The following KHDRBS3 variants were observed in gnomAD, a reference collection of about 807,000 sequenced individuals.
KHDRBS3 encodes the protein KH RNA binding domain containing, signal transduction associated 3, also known as KH domain-containing, RNA-binding, signal transduction-associated protein 3.
Under a neutral mutation model 45.6 loss-of-function variants are expected in KHDRBS3, and 23 were observed. The observed-to-expected ratio is 0.50, with a 90% CI of 0.36 to 0.72. The LOEUF is 0.72. Ranked by LOEUF, KHDRBS3 falls within the 30% of genes least tolerant of loss-of-function variation. The pLI is 0.00. For missense variants in KHDRBS3, 352 were observed against 424.8 expected, an observed-to-expected ratio of 0.83 and a Z score of 1.51; for synonymous variants, 162 against 156.5, an observed-to-expected ratio of 1.04 and a Z score of -0.26.
intron 7 of KHDRBS3, among the ~76,000 whole-genome samples, chr8:135,641,576 G>A (rs1831060043): frequency 6.6e-6 from 1 of 152,218 alleles, no homozygotes; most frequent in African/African-American, 2.4e-5. Flanking sequence ...GAGAAATTAT[G>A]TTGACTACTG....
At chr8:135,654,596 A>G (rs1176426421) in intron 4 of KHDRBS3, among the ~76,000 whole-genome samples, 2 of 152,182 alleles carry the variant, frequency 1.3e-5, no homozygotes, top group Non-Finnish European at 2.9e-5. Flanking sequence ...GGGTCCAGTA[A>G]GGACACCTCC....
At chr8:135,564,132 A>G (rs1004210507) in intron 5 of KHDRBS3, among the ~76,000 whole-genome samples, 5 of 152,166 alleles carry the variant, frequency 3.3e-5, no homozygotes, top group Admixed American at 6.5e-5. Flanking sequence ...TTTCCACACT[A>G]TGGGAACTGT....
In KHDRBS3 at chr8:135,547,097, G is replaced by A. The variant is rs547957353; in HGVS notation, c.325-1657G>A. 2.0e-5 allele frequency among the ~76,000 whole-genome samples: 3 copies of A among 152,256 alleles called. No homozygotes were observed. The South Asian group carries it at 6.2e-4, about 32-fold the overall frequency. On this transcript the variant is annotated intron_variant, in intron 3 of 8. Coordinates refer to ENST00000355849, the MANE Select transcript of KHDRBS3 (RefSeq NM_006558.3). Reference sequence around the variant, plus strand: ...ATAGAATGCAATTTTTAAAACTTGAGCAATGAGAGAGATTCAGATCAGATG... The same window carrying A: ...ATAGAATGCAATTTTTAAAACTTGAACAATGAGAGAGATTCAGATCAGATG...
chr8:135,613,290 C>G (rs1181066202), intron 7 of KHDRBS3, among the ~76,000 whole-genome samples: 1 of 151,802 alleles, frequency 6.6e-6, no homozygotes, highest in African/African-American at 2.4e-5. Flanking sequence ...GACCTATGGT[C>G]AGACGCCAAC....
At chr8:135,479,694 C>T (rs1447449446) in intron 1 of KHDRBS3, among the ~76,000 whole-genome samples, 1 of 152,200 alleles carries the variant, frequency 6.6e-6, no homozygotes, top group African/African-American at 2.4e-5. Flanking sequence ...GCCCTTCTGA[C>T]TTAATCACCT....
chr8:135,461,086 T>C (rs1821406317), intron 1 of KHDRBS3, among the ~76,000 whole-genome samples: 1 of 152,162 alleles, frequency 6.6e-6, no homozygotes, highest in Non-Finnish European at 1.5e-5. Flanking sequence ...CTAAATGAAT[T>C]TGTTTCCCGA....
rs370834394 is a variant in KHDRBS3, at chr8:135,605,080, C to T, written c.808-1875C>T. On this transcript the variant is annotated intron_variant, in intron 6 of 8. Coordinates refer to ENST00000355849, the MANE Select transcript of KHDRBS3 (RefSeq NM_006558.3). ...CTTTCAAGATTCTGTCTTTGTCTTT[C>T]AGCAGTTTGACAATAACCATGTCTA... Among the ~76,000 whole-genome samples, 4 of 152,076 alleles carry T rather than the reference C, an allele frequency of 2.6e-5. No homozygotes were observed. In the East Asian group the frequency reaches 7.7e-4, roughly 29 times the overall value.
downstream of KHDRBS3, among the ~76,000 whole-genome samples, chr8:135,650,237 GAC>G (rs1831401523): frequency 6.6e-6 from 1 of 152,156 alleles, no homozygotes; most frequent in Non-Finnish European, 1.5e-5. Flanking sequence ...ACAGCCCCAT[GAC>G]ACACAACTTT....
intron 7 of KHDRBS3, among the ~76,000 whole-genome samples, chr8:135,613,974 A>C (rs535621779): frequency 6.6e-6 from 1 of 151,456 alleles, no homozygotes; most frequent in South Asian, 2.1e-4. Flanking sequence ...ATTTTCAAAT[A>C]CCTTGCATTC....
intron 2 of KHDRBS3, among the ~76,000 whole-genome samples, chr8:135,536,234 GTTTTTTTT>G (rs374782370): frequency 2.3e-5 from 2 of 86,400 alleles, no homozygotes; most frequent in Non-Finnish European, 4.7e-5. Flanking sequence ...TTTCTGTCCA[GTTTTTTTT>G]TTTTTTTTTT....
chr8:135,526,841 G>T (rs1825213308), intron 2 of KHDRBS3, among the ~76,000 whole-genome samples: 1 of 152,048 alleles, frequency 6.6e-6, no homozygotes, highest in Non-Finnish European at 1.5e-5. Context: ...CTTGAGTTAT[G>T]TATCTGAGCT....
chr8:135,481,248 A>ATATT (rs1216532185), intron 1 of KHDRBS3, among the ~76,000 whole-genome samples: 1 of 128,594 alleles, frequency 7.8e-6, no homozygotes, highest in Non-Finnish European at 1.5e-5. Flanking sequence ...ATATATATAT[A>ATATT]TATTTAATGT....
chr8:135,532,549 T>C (rs1162811985), intron 2 of KHDRBS3, among the ~76,000 whole-genome samples: 8 of 152,186 alleles, frequency 5.3e-5, no homozygotes, highest in Non-Finnish European at 1.2e-4. Context: ...TAGACTTCTG[T>C]TATGTGTGTG....
In KHDRBS3 at chr8:135,543,729, C is replaced by T. The variant is rs545793394; in HGVS notation, c.324+959C>T. Among the ~76,000 whole-genome samples, 8 of 152,186 alleles carry T rather than the reference C, an allele frequency of 5.3e-5. No individual in the cohort carries two copies. In the South Asian group the frequency reaches 6.2e-4, roughly 12 times the overall value. ...TGTAAGGAAACTGAGATTCAGAGAA[C>T]TTGAGTATATTATCTGGGTTAATTT... is the stretch of plus-strand genomic sequence containing the variant. On this transcript the variant is annotated intron_variant, in intron 3 of 8. Coordinates refer to ENST00000355849, the MANE Select transcript of KHDRBS3 (RefSeq NM_006558.3).
intron 1 of KHDRBS3, among the ~76,000 whole-genome samples, chr8:135,478,449 A>G (rs970953970): frequency 7.2e-5 from 11 of 152,230 alleles, no homozygotes; most frequent in Non-Finnish European, 1.5e-5. Context: ...AGGAAATAGT[A>G]GATTTGAACA....
intron 4 of KHDRBS3, among the ~76,000 whole-genome samples, chr8:135,653,672 G>A (rs747409125): frequency 9.2e-5 from 14 of 152,162 alleles, no homozygotes; most frequent in Admixed American, 2.0e-4. Context: ...CAGCCCAACC[G>A]TATGCTAATG....
chr8:135,581,781 T>C (rs560833123), intron 5 of KHDRBS3, 97 bp from the exon 6 acceptor site: 3 of 982,546 alleles, frequency 3.1e-6, no homozygotes, highest in African/African-American at 3.3e-5. Context: ...TACAAAAATA[T>C]AGAACATTGA....
At chr8:135,458,178 G>T (rs1372147761) in intron 1 of KHDRBS3, 27 of 1,321,872 alleles carry the variant, frequency 2.0e-5, no homozygotes, top group Non-Finnish European at 2.4e-5. Flanking sequence ...AGGCTGGGGC[G>T]CATGGGTGAG....
intron 4 of KHDRBS3, among the ~76,000 whole-genome samples, chr8:135,550,528 A>G (rs1001551637): frequency 6.6e-6 from 1 of 152,208 alleles, no homozygotes; most frequent in Non-Finnish European, 1.5e-5. Context: ...AAAATTGACT[A>G]AACATAAATG....
Sources: allele counts gnomAD v4.1 joint callset (sites outside exome capture counted in the v4.1 genomes callset), GRCh38; gene constraint gnomAD v4.1.1; transcripts MANE v1.5; gene names NCBI Gene and HGNC (gene_info 2026-07-23, HGNC 2026-07-21).